Variants in FBXL17 observed in about 807,000 individuals in gnomAD.
The protein encoded by FBXL17 is F-box and leucine rich repeat protein 17.
In FBXL17, 22 loss-of-function variants were observed where a neutral mutation model predicts 66.2. The ratio of observed to expected loss-of-function variants is 0.33; its 90% CI spans 0.24 to 0.47. FBXL17 has a LOEUF of 0.47. FBXL17 is among the 20% of genes least tolerant of loss of function. FBXL17 has a pLI of 1.00. For missense variants in FBXL17, 878 were observed against 948.2 expected, an observed-to-expected ratio of 0.93 and a Z score of 0.97; for synonymous variants, 474 against 400.5, an observed-to-expected ratio of 1.18 and a Z score of -2.19.
intron 7 of FBXL17, among the ~76,000 whole-genome samples, chr5:108,007,999 A>G (rs768388050): frequency 1.3e-5 from 2 of 152,216 alleles, no homozygotes; most frequent in Non-Finnish European, 2.9e-5. Context: ...CTGTAGCCCC[A>G]AAATATTGTG....
chr5:108,121,822 G>T (rs576481152), intron 6 of FBXL17, among the ~76,000 whole-genome samples: 7 of 152,270 alleles, frequency 4.6e-5, no homozygotes, highest in African/African-American at 1.4e-4. Context: ...CTTCCAAAGC[G>T]CTGGGATTAC....
At chr5:108,265,194 G>A (rs972058281) in intron 4 of FBXL17, among the ~76,000 whole-genome samples, 1 of 151,806 alleles carries the variant, frequency 6.6e-6, no homozygotes, top group African/African-American at 2.4e-5. Context: ...CTAACCTGAG[G>A]CAGCTGTTAC....
chr5:108,172,317 C>T (rs909130042), intron 6 of FBXL17, among the ~76,000 whole-genome samples: 1 of 152,130 alleles, frequency 6.6e-6, no homozygotes, highest in Admixed American at 6.6e-5. Flanking sequence ...ACGAAATTTC[C>T]ACCATATTCT....
chr5:107,873,887 T>G (rs1007676762), intron 8 of FBXL17, among the ~76,000 whole-genome samples: 5 of 152,190 alleles, frequency 3.3e-5, no homozygotes, highest in Non-Finnish European at 7.3e-5. Flanking sequence ...TGGGGAACAG[T>G]AGGCTCTCTC....
chr5:108,252,066 T>C (rs10477887), intron 4 of FBXL17, among the ~76,000 whole-genome samples: 118,142 of 152,004 alleles, frequency 0.78, 46,522 homozygotes, highest in East Asian at 0.93. Context: ...ATGTGTGTAC[T>C]TAGAAGTGGA....
At chr5:108,283,459 T>C (rs1040048492) in intron 4 of FBXL17, among the ~76,000 whole-genome samples, 4 of 151,712 alleles carry the variant, frequency 2.6e-5, no homozygotes, top group African/African-American at 9.7e-5. Flanking sequence ...AGACAAATAG[T>C]GCTGGAAAAA....
chr5:108,177,912 T>TATATATATAC (rs1491205323), intron 6 of FBXL17, among the ~76,000 whole-genome samples: 1 of 93,910 alleles, frequency 1.1e-5, no homozygotes, highest in East Asian at 2.7e-4. Flanking sequence ...AAAAAAAATG[T>TATATATATAC]ATATATATAT....
intron 5 of FBXL17, among the ~76,000 whole-genome samples, chr5:108,220,426 G>A (rs1055985459): frequency 3.9e-5 from 6 of 152,072 alleles, no homozygotes; most frequent in Non-Finnish European, 5.9e-5. Context: ...CCTGTTTCCC[G>A]TATCATAGGG....
At chr5:108,011,717 G>A (rs544435956) in intron 7 of FBXL17, among the ~76,000 whole-genome samples, 38 of 152,252 alleles carry the variant, frequency 2.5e-4, no homozygotes, top group African/African-American at 8.9e-4. Flanking sequence ...CCAGCTACTG[G>A]GGAGGCTGAG....
intron 8 of FBXL17, among the ~76,000 whole-genome samples, chr5:107,877,912 T>A (rs1748660874): frequency 6.6e-6 from 1 of 152,188 alleles, no homozygotes; most frequent in African/African-American, 2.4e-5. Context: ...TCTTCTCCGT[T>A]CCCTAATCAT....
At chr5:107,901,355 T>G (rs1190229549) in intron 7 of FBXL17, among the ~76,000 whole-genome samples, 1 of 152,214 alleles carries the variant, frequency 6.6e-6, no homozygotes, top group Non-Finnish European at 1.5e-5. Flanking sequence ...TATTAATAAC[T>G]ACTTTGGGTA....
chr5:107,895,033 G>A (rs947538004), intron 7 of FBXL17, among the ~76,000 whole-genome samples: 86 of 151,988 alleles, frequency 5.7e-4, no homozygotes, highest in African/African-American at 2.0e-3. Context: ...ATTTTTGTTA[G>A]CAATATTATT....
At chr5:108,287,304 G>A (rs944169934) in intron 4 of FBXL17, among the ~76,000 whole-genome samples, 3 of 151,962 alleles carry the variant, frequency 2.0e-5, no homozygotes, top group Admixed American at 2.0e-4. Flanking sequence ...CACAGCAAAA[G>A]AAACTACTGA....
intron 7 of FBXL17, among the ~76,000 whole-genome samples, chr5:107,977,369 G>T (rs184553431): frequency 5.3e-4 from 80 of 152,238 alleles, no homozygotes; most frequent in African/African-American, 1.9e-3. Flanking sequence ...ATAATGCTAG[G>T]AACTTTACAT....
chr5:108,228,378 C>T (rs1031609749), intron 4 of FBXL17, among the ~76,000 whole-genome samples: 7 of 152,096 alleles, frequency 4.6e-5, no homozygotes, highest in Non-Finnish European at 8.8e-5. Context: ...TGGAGTCTCA[C>T]TTCTAGCTTC....
chr5:108,147,774 A>G (rs2149992986), intron 6 of FBXL17, among the ~76,000 whole-genome samples: 1 of 152,300 alleles, frequency 6.6e-6, no homozygotes, highest in African/African-American at 2.4e-5. Context: ...GATACCAAAG[A>G]TAGAGAAGAG....
At chr5:108,079,008 G>C (rs908318465) in intron 6 of FBXL17, among the ~76,000 whole-genome samples, 1 of 151,932 alleles carries the variant, frequency 6.6e-6, no homozygotes, top group African/African-American at 2.4e-5. Context: ...AGCCTTGAAC[G>C]ATCTAATTTT....
At chr5:107,981,700 C>A (rs1236620577) in intron 7 of FBXL17, among the ~76,000 whole-genome samples, 2 of 152,000 alleles carry the variant, frequency 1.3e-5, no homozygotes, top group African/African-American at 4.8e-5. Context: ...ATTATGGCAC[C>A]AGGGCAGGGA....
chr5:108,264,749 C>T (rs577157414), intron 4 of FBXL17, among the ~76,000 whole-genome samples: 28 of 152,042 alleles, frequency 1.8e-4, no homozygotes, highest in Middle Eastern at 3.4e-3. Context: ...TTTATTGGCC[C>T]ATGACAATAA....
Sources: gnomAD v4.1 joint callset for allele counts (sites outside exome capture counted in the v4.1 genomes callset) on GRCh38, gnomAD v4.1.1 for gene constraint, MANE v1.5 for transcripts, NCBI Gene and HGNC (gene_info 2026-07-23, HGNC 2026-07-21) for gene names.